The following PFKM variants were observed in gnomAD, a reference collection of about 807,000 sequenced individuals.
The protein encoded by PFKM is ATP-dependent 6-phosphofructokinase, muscle type.
A neutral mutation model predicts 95.5 loss-of-function variants in PFKM; 58 were observed. That is an observed-to-expected ratio of 0.61 (90% CI 0.49 to 0.76). The LOEUF (loss-of-function observed/expected upper bound fraction) is 0.76, where lower values mean the gene tolerates loss of function less well. Among genes scored for constraint, PFKM ranks in the 30% least tolerant of loss-of-function variants. PFKM has a pLI of 0.00. For missense variants in PFKM, 678 were observed against 1,005.4 expected, an observed-to-expected ratio of 0.67 and a Z score of 4.40; for synonymous variants, 336 against 357.2, an observed-to-expected ratio of 0.94 and a Z score of 0.67.
chr12:48,107,505 A>T, intron 2 of PFKM: 6 of 1,209,482 alleles, frequency 5.0e-6, no homozygotes, highest in African/African-American at 1.5e-5. Context: ...GGGTTCTCTC[A>T]CAAGAAGTCT....
chr12:48,119,565 G>A (rs969617341), intron 1 of PFKM, 159 bp downstream of exon 1: 1 of 237,448 alleles, frequency 4.2e-6, no homozygotes, highest in Non-Finnish European at 6.8e-6. Flanking sequence ...GGGCAGGGCA[G>A]TCGTGAAGGA....
intron 2 of PFKM, among the ~76,000 whole-genome samples, chr12:48,128,544 A>G (rs1300863794): frequency 6.6e-6 from 1 of 152,184 alleles, no homozygotes; most frequent in Non-Finnish European, 1.5e-5. Flanking sequence ...AGTGCCTGAA[A>G]CATGATAGGT....
chr12:48,142,299 C>T, intron 17 of PFKM: 1 of 552,350 alleles, frequency 1.8e-6, no homozygotes, highest in Non-Finnish European at 3.2e-6. Flanking sequence ...ATGGTGAAAC[C>T]CCATCTCTAC....
rs148082581 is a variant in PFKM at position 48,110,703 on chromosome 12, C to G, written c.205+2509C>G. Among the ~76,000 whole-genome samples, 1,272 of 152,302 alleles carry G rather than the reference C, an allele frequency of 8.4e-3. 14 individuals are homozygous for G. The highest frequency in any genetic ancestry group is 0.028 in the African/African-American group (1,152 of 41,572). On this transcript the variant is annotated intron_variant, in intron 3 of 24. Transcript: ENST00000340802. ...CAGTTGTATATGGAGATTCTGTGCT[C>G]TAGTCCTTAAGAAAAATGGAATATA... is the stretch of plus-strand genomic sequence containing the variant.
rs527867488 is a variant in PFKM at position 48,121,232 on chromosome 12, A to G, written c.-8-1535A>G. 5.3e-4 allele frequency among the ~76,000 whole-genome samples: 81 copies of G among 152,372 alleles called. 1 individual carries two copies. Among genetic ancestry groups the G allele is most frequent in the African/African-American group, 1.9e-3 (80 of 41,596 alleles). On this transcript the variant is annotated intron_variant, in intron 1 of 22. Coordinates refer to ENST00000359794, the MANE Select transcript of PFKM (RefSeq NM_000289.6). Reference sequence around the variant, plus strand: ...GTGAATCTGTGGAAAGGGCCAGGGTAGCCACCTGGACAAGGGATGCAGTGT... The same window carrying G: ...GTGAATCTGTGGAAAGGGCCAGGGTGGCCACCTGGACAAGGGATGCAGTGT...
chr12:48,110,647 C>T (rs952592296), intron 3 of PFKM, among the ~76,000 whole-genome samples: 2 of 152,182 alleles, frequency 1.3e-5, no homozygotes, highest in African/African-American at 2.4e-5. Flanking sequence ...CAGGGACTCC[C>T]TCCAGGGTGT....
At chr12:48,137,688 G>A in intron 10 of PFKM, 33 bp from the exon 11 acceptor site, 9 of 1,614,016 alleles carry the variant, frequency 5.6e-6, no homozygotes, top group Non-Finnish European at 7.6e-6. Flanking sequence ...GGCAGCCTGA[G>A]CCAGACTGTC....
chr12:48,130,268 A>T, intron 2 of PFKM, 95 bp from the exon 3 acceptor site: 1 of 833,450 alleles, frequency 1.2e-6, no homozygotes, highest in East Asian at 2.4e-5. Context: ...TAAAGTACTG[A>T]TTCGTTATCT....
chr12:48,125,803 T>A (rs1948780377), intron 2 of PFKM, among the ~76,000 whole-genome samples: 1 of 152,124 alleles, frequency 6.6e-6, no homozygotes. Flanking sequence ...TCCTTTTACC[T>A]CTCTGGCTTG....
intron 2 of PFKM, chr12:48,107,549 C>T (rs886599577): frequency 2.4e-5 from 19 of 804,624 alleles, no homozygotes; most frequent in African/African-American, 5.1e-5. Flanking sequence ...AGTGTAAATA[C>T]GGATTTTAGG....
upstream of PFKM, chr12:48,118,541 G>A: frequency 1.3e-6 from 2 of 1,525,548 alleles, no homozygotes; most frequent in Non-Finnish European, 8.8e-7. Flanking sequence ...AAAAGCAAGA[G>A]GAGACCCGAC....
chr12:48,125,295 A>G (rs1300763202), intron 2 of PFKM: 7 of 448,408 alleles, frequency 1.6e-5, no homozygotes, highest in Non-Finnish European at 2.7e-5. Flanking sequence ...TTACAAATGT[A>G]TGTTTATCTT....
intron 4 of PFKM, chr12:48,131,987 T>C (rs1269366869): frequency 4.4e-6 from 2 of 455,824 alleles, no homozygotes; most frequent in African/African-American, 2.0e-5. Flanking sequence ...ACTGAAAATT[T>C]GTAAATTACA....
intron 1 of PFKM, chr12:48,122,506 T>A: frequency 9.2e-7 from 1 of 1,087,422 alleles, no homozygotes; most frequent in Non-Finnish European, 1.2e-6. Flanking sequence ...CCCAAATAGG[T>A]TCCAATTGGG....
chr12:48,109,337 T>C (rs555752598), intron 3 of PFKM, among the ~76,000 whole-genome samples: 31 of 146,216 alleles, frequency 2.1e-4, no homozygotes, highest in African/African-American at 6.5e-4. Flanking sequence ...CTCCCTCCCT[T>C]CCTTCTTTCT....
chr12:48,123,198 T>G (rs1948464135), intron 2 of PFKM, among the ~76,000 whole-genome samples: 1 of 152,166 alleles, frequency 6.6e-6, no homozygotes, highest in South Asian at 2.1e-4. Flanking sequence ...CTTCATGTAC[T>G]TTGGTAATGG....
At position 48,134,339 on chromosome 12, in the gene PFKM, A is replaced by G. The variant is rs1391470752; in HGVS notation, c.638+63A>G. 2.9e-6 allele frequency: 4 copies of G among 1,393,144 alleles called. No individual in the cohort carries two copies. In the African/African-American group the frequency reaches 5.7e-5, roughly 20 times the overall value. The allele number at this position is 1,393,144 out of a possible 1,614,324, so 86.3% of individuals were successfully genotyped here. A position where few individuals can be genotyped will look rare whatever the true frequency, so the allele number is the denominator to read the frequency against. On this transcript the variant is annotated intron_variant, in intron 7 of 22. Transcript: ENST00000359794. ...TAGCGATAGCCCTTTCCTTTTCCCC[A>G]GAGAGTCCAGTGAGGTCTCTCAGTA...
At chr12:48,107,549 C>A in intron 2 of PFKM, 1 of 804,742 alleles carries the variant, frequency 1.2e-6, no homozygotes, top group Non-Finnish European at 2.1e-6. Flanking sequence ...AGTGTAAATA[C>A]GGATTTTAGG....
At chr12:48,123,874 G>C (rs1200562375) in intron 2 of PFKM, among the ~76,000 whole-genome samples, 2 of 152,324 alleles carry the variant, frequency 1.3e-5, no homozygotes, top group East Asian at 3.8e-4. Context: ...ATAATGAAAT[G>C]ATAGCCTCTG....
Sources: allele counts gnomAD v4.1 joint callset (sites outside exome capture counted in the v4.1 genomes callset), GRCh38; gene constraint gnomAD v4.1.1; transcripts MANE v1.5; gene names NCBI Gene and HGNC (gene_info 2026-07-23, HGNC 2026-07-21).